KALRN: variants seen among roughly 807,000 people sequenced by gnomAD.
The protein encoded by KALRN is kalirin.
Under a neutral mutation model 353.7 loss-of-function variants are expected in KALRN, and 70 were observed. The ratio of observed to expected loss-of-function variants is 0.20; its 90% CI spans 0.16 to 0.24. The LOEUF is 0.24. Ranked by LOEUF, KALRN falls within the 10% of genes least tolerant of loss-of-function variation. The pLI, the probability that KALRN is intolerant of heterozygous loss-of-function variation, is 1.00. For synonymous variants in KALRN, 1,391 were observed against 1,434.8 expected (o/e 0.97, Z 0.69); for missense variants, 2,791 against 3,756.7 (o/e 0.74, Z 6.72).
At chr3:124,652,812 C>T (rs1013020545) in intron 38 of KALRN, among the ~76,000 whole-genome samples, 8 of 152,016 alleles carry the variant, frequency 5.3e-5, no homozygotes, top group Non-Finnish European at 1.0e-4. Flanking sequence ...CTCCTGACCT[C>T]GTGATCCGCC....
chr3:124,177,626 T>A (rs2072972498), intron 1 of KALRN, among the ~76,000 whole-genome samples: 1 of 152,154 alleles, frequency 6.6e-6, no homozygotes, highest in African/African-American at 2.4e-5. Context: ...CTGGACTGGC[T>A]ATAGTCTAGT....
intron 11 of KALRN, among the ~76,000 whole-genome samples, chr3:124,392,042 C>A (rs749636152): frequency 6.6e-6 from 1 of 151,840 alleles, no homozygotes; most frequent in Non-Finnish European, 1.5e-5. Flanking sequence ...ACAAAAATAT[C>A]TTTTTTTTCC....
chr3:124,094,942 G>C, intron 1 of KALRN: 1 of 1,579,296 alleles, frequency 6.3e-7, no homozygotes, highest in Admixed American at 1.7e-5. Context: ...GAGAGACTGA[G>C]AGAGATAAAT....
At chr3:124,515,048 G>A (rs369097432) in intron 33 of KALRN, among the ~76,000 whole-genome samples, 4 of 152,282 alleles carry the variant, frequency 2.6e-5, no homozygotes, top group Middle Eastern at 6.8e-3. Context: ...ACATGCAGTC[G>A]ACTGAAGATG....
chr3:124,254,534 C>T (rs1215280540), intron 3 of KALRN, among the ~76,000 whole-genome samples: 2 of 151,484 alleles, frequency 1.3e-5, no homozygotes, highest in Admixed American at 1.3e-4. Flanking sequence ...CTGTAAGCAA[C>T]TTCTCTGAGC....
chr3:124,216,441 A>G (rs969472415), intron 1 of KALRN, among the ~76,000 whole-genome samples: 1 of 152,224 alleles, frequency 6.6e-6, no homozygotes, highest in Non-Finnish European at 1.5e-5. Flanking sequence ...AACTGGACTT[A>G]AAGATTGTCT....
rs147656222 is a variant in KALRN, at chr3:124,517,038, G to A, written c.4935+20625G>A. Among the ~76,000 whole-genome samples, 525 of 152,150 alleles carry A rather than the reference G, an allele frequency of 3.5e-3. 5 individuals are homozygous for A. Among genetic ancestry groups the A allele is most frequent in the African/African-American group, 0.012 (500 of 41,522 alleles). On this transcript the variant is annotated intron_variant, in intron 33 of 59. Transcript: ENST00000682506. Reference sequence around the variant, plus strand: ...TCACTGTGTTGGCCAGGTTAGTCTCGAACGCCTGATCTCGTGATCCGCCCT... The same window carrying A: ...TCACTGTGTTGGCCAGGTTAGTCTCAAACGCCTGATCTCGTGATCCGCCCT...
intron 25 of KALRN, among the ~76,000 whole-genome samples, chr3:124,468,857 C>G (rs1030638450): frequency 3.3e-5 from 5 of 152,210 alleles, no homozygotes; most frequent in African/African-American, 1.2e-4. Flanking sequence ...GAGCCCTATA[C>G]AAATGTAGCT....
intron 23 of KALRN, among the ~76,000 whole-genome samples, chr3:124,458,838 G>A (rs535763776): frequency 1.3e-5 from 2 of 152,256 alleles, no homozygotes; most frequent in African/African-American, 4.8e-5. Context: ...GGAGGCTGAG[G>A]TATGAAAATC....
intron 1 of KALRN, among the ~76,000 whole-genome samples, chr3:124,214,155 T>C (rs1329432732): frequency 6.6e-6 from 1 of 152,128 alleles, no homozygotes; most frequent in Non-Finnish European, 1.5e-5. Context: ...TATATATATA[T>C]GGTTTTTATA....
At chr3:124,518,563 C>T (rs547630014) in intron 33 of KALRN, 1 of 1,606,780 alleles carries the variant, frequency 6.2e-7, no homozygotes, top group Non-Finnish European at 8.5e-7. Context: ...TGAGACTTCT[C>T]TGGCAGGGCT....
chr3:124,260,057 A>G (rs551836417), intron 3 of KALRN, among the ~76,000 whole-genome samples: 1 of 152,132 alleles, frequency 6.6e-6, no homozygotes, highest in Non-Finnish European at 1.5e-5. Context: ...CTGCCTTGCC[A>G]TATGAGGTGC....
intron 1 of KALRN, among the ~76,000 whole-genome samples, chr3:124,206,978 A>C (rs2076463269): frequency 6.6e-6 from 1 of 152,188 alleles, no homozygotes; most frequent in Non-Finnish European, 1.5e-5. Flanking sequence ...AGGGGTTGGT[A>C]GAATGTCTGG....
chr3:124,633,982 A>T, intron 36 of KALRN, 29 bp downstream of exon 36: 1 of 1,561,436 alleles, frequency 6.4e-7, no homozygotes, highest in Non-Finnish European at 8.8e-7. Flanking sequence ...CTCACTTAAA[A>T]GAGCAACGTG....
rs116257274 is a variant in KALRN at position 124,043,817 on chromosome 3, C to G, written c.73+10004C>G. On this transcript the variant is annotated intron_variant, in intron 1 of 59. Coordinates refer to ENST00000682506, the MANE Select transcript of KALRN (RefSeq NM_001388419.1). ...TTTTGCAAGCCGAGGTGGGACTGCTCTAGGCTGTAGTGGGGTCTGCAGAAT... is the reference window on the plus strand; with the variant it reads ...TTTTGCAAGCCGAGGTGGGACTGCTGTAGGCTGTAGTGGGGTCTGCAGAAT... Among the ~76,000 whole-genome samples, 533 of 152,138 alleles carry G rather than the reference C, an allele frequency of 3.5e-3. 1 individual carries two copies. The highest frequency in any genetic ancestry group is 5.5e-3 in the Non-Finnish European group (371 of 67,984).
chr3:124,635,599 A>C (rs548893823), intron 36 of KALRN, among the ~76,000 whole-genome samples: 4 of 152,270 alleles, frequency 2.6e-5, no homozygotes, highest in African/African-American at 9.6e-5. Context: ...TAGCAAATGG[A>C]GTTGGATGTA....
rs2062041931 is a variant in KALRN at position 124,696,200 on chromosome 3, C to T, written c.7644C>T (p.Cys2548=). 6.2e-7 allele frequency: 1 copy of T among 1,613,854 alleles called. No individual in the cohort carries two copies. Among genetic ancestry groups the T allele is most frequent in the Non-Finnish European group, 8.5e-7 (1 of 1,179,728 alleles). Residue 2548 remains cysteine, a synonymous_variant, in exon 54 of 60, where the codon TGC becomes TGT. Transcript: ENST00000682506. ...LMPQDSGIYT[C]IATNDHGTTS... ...CCCAAGACAGTGGGATTTATACCTGCATAGCAACAAATGACCACGGGACCA... is the reference window on the plus strand; with the variant it reads ...CCCAAGACAGTGGGATTTATACCTGTATAGCAACAAATGACCACGGGACCA...
chr3:124,227,976 T>C lies in KALRN; in HGVS notation c.74-14T>C. The C allele has an allele frequency of 1.2e-6, 2 of 1,611,650 alleles. No homozygotes were observed. On this transcript the variant is annotated splice_polypyrimidine_tract_variant and intron_variant, in intron 1 of 59. Coordinates refer to ENST00000682506, the MANE Select transcript of KALRN (RefSeq NM_001388419.1). ...TCCTCTCACCCTGATTCCTTCTGGT[T>C]TGTTGTCCCACAGGGTCTTTTCGGA...
intron 10 of KALRN, among the ~76,000 whole-genome samples, chr3:124,353,152 T>C (rs774552026): frequency 2.5e-4 from 38 of 152,150 alleles, no homozygotes; most frequent in Non-Finnish European, 4.9e-4. Context: ...TGATACTTTG[T>C]TGACTTAGTA....
Sources: allele counts gnomAD v4.1 joint callset (sites outside exome capture counted in the v4.1 genomes callset), GRCh38; gene constraint gnomAD v4.1.1; transcripts MANE v1.5; gene names NCBI Gene and HGNC (gene_info 2026-07-23, HGNC 2026-07-21).